Variants in SAMD4B observed in about 807,000 individuals in gnomAD.
SAMD4B encodes the protein protein Smaug homolog 2.
Under a neutral mutation model 74.5 loss-of-function variants are expected in SAMD4B, and 5 were observed. The ratio of observed to expected loss-of-function variants is 0.07; its 90% CI spans 0.04 to 0.14. The LOEUF (loss-of-function observed/expected upper bound fraction) is 0.14, where lower values mean the gene tolerates loss of function less well. SAMD4B is among the 10% of genes least tolerant of loss of function. SAMD4B has a pLI of 1.00. For synonymous variants in SAMD4B, 373 were observed against 374.9 expected, an observed-to-expected ratio of 1.00 and a Z score of 0.06; for missense variants, 608 against 921.8, an observed-to-expected ratio of 0.66 and a Z score of 4.41.
intron 4 of SAMD4B, 70 bp downstream of exon 4, chr19:39,370,195 C>T: frequency 7.1e-7 from 1 of 1,413,318 alleles, no homozygotes; most frequent in Non-Finnish European, 9.8e-7. Context: ...AGTGAGAGCT[C>T]TCTCGCTCTG....
chr19:39,367,440 A>ATTATCTCC, intron 3 of SAMD4B, among the ~76,000 whole-genome samples: 1 of 147,820 alleles, frequency 6.8e-6, no homozygotes, highest in Non-Finnish European at 1.5e-5. Flanking sequence ...TCCTGTCAGC[A>ATTATCTCC]TTATCTCCAT....
Position 39,385,673 on chromosome 19 carries a change from AAAAAAAAAAACAAAC to A in SAMD4B, c.*2155_*2169del, listed in dbSNP as rs2078228981. The A allele has an allele frequency of 1.9e-6, 1 of 523,128 alleles. No individual in the cohort carries two copies. Among genetic ancestry groups the A allele is most frequent in the Non-Finnish European group, 3.4e-6 (1 of 298,120 alleles). 32.4% of individuals were successfully genotyped at this position (523,128 alleles called of 1,614,324 possible). Reference sequence around the variant, plus strand: ...TTTAATGGTCTGGGCTTATTTTGGAAAAAAAAAAAACAAACAAAAAAAACGAATTCTGACCTTCGT... The same window carrying A: ...TTTAATGGTCTGGGCTTATTTTGGAAAAAAAAAACGAATTCTGACCTTCGT... On this transcript the variant is annotated 3_prime_UTR_variant, in exon 14 of 14. Transcript: ENST00000610417.
intron 2 of SAMD4B, among the ~76,000 whole-genome samples, chr19:39,355,033 C>A (rs138600630): frequency 6.6e-6 from 1 of 152,080 alleles, no homozygotes; most frequent in African/African-American, 2.4e-5. Context: ...GTAGCACGCC[C>A]GGCTAATTTT....
chr19:39,379,741 T>C lies in SAMD4B; in HGVS notation c.1531-225T>C, dbSNP rs530480422. On this transcript the variant is annotated intron_variant, in intron 9 of 13. Transcript: ENST00000610417. The stretch of plus-strand genomic sequence containing the variant: ...ACACACTACCATGCCTGGATAATTT[T>C]TGTACTTTTAGTAGAGGTGGGGTTT... 3.9e-5 allele frequency among the ~76,000 whole-genome samples: 6 copies of C among 152,312 alleles called. No individual in the cohort carries two copies. The East Asian group carries it at 7.7e-4, about 20-fold the overall frequency.
chr19:39,371,583 G>A (rs181811219), intron 4 of SAMD4B, among the ~76,000 whole-genome samples: 9 of 152,262 alleles, frequency 5.9e-5, no homozygotes, highest in Admixed American at 2.0e-4. Flanking sequence ...TTGGGAGGCC[G>A]AGGCAGGCAG....
At chr19:39,366,738 A>G (rs1010593953) in intron 3 of SAMD4B, among the ~76,000 whole-genome samples, 1 of 152,216 alleles carries the variant, frequency 6.6e-6, no homozygotes, top group African/African-American at 2.4e-5. Flanking sequence ...CAGTGTGGGC[A>G]GAGGAGACCA....
In SAMD4B at chr19:39,375,559, A is replaced by C; in HGVS notation, c.668-91A>C. ...CTTCCTCTTGGCAGGTTATGGGGCCAAACTGCCATCCTGGCACTGACGGCA... is the reference window on the plus strand; with the variant it reads ...CTTCCTCTTGGCAGGTTATGGGGCCCAACTGCCATCCTGGCACTGACGGCA... On this transcript the variant is annotated intron_variant, in intron 4 of 13. Coordinates refer to ENST00000610417, the MANE Select transcript of SAMD4B (RefSeq NM_001384574.2). The surrounding 1 kb of genome is among the most constrained non-coding windows in gnomAD (Gnocchi z 4.1). The C allele has an allele frequency of 6.6e-7, 1 of 1,516,308 alleles. No homozygotes were observed. Among genetic ancestry groups the C allele is most frequent in the Non-Finnish European group, 8.9e-7 (1 of 1,120,212 alleles). 93.9% of individuals were successfully genotyped at this position (1,516,308 alleles called of 1,614,324 possible).
chr19:39,379,856 C>T (rs2077847620), intron 9 of SAMD4B, 110 bp from the exon 10 acceptor site: 1 of 918,680 alleles, frequency 1.1e-6, no homozygotes, highest in Admixed American at 2.4e-5. Context: ...CAGCTTGAGC[C>T]ACCACGCCCG....
downstream of SAMD4B, chr19:39,388,849 C>G (rs759172968): frequency 6.2e-7 from 1 of 1,614,144 alleles, no homozygotes; most frequent in African/African-American, 1.3e-5. Context: ...CACCTGAGCA[C>G]ATGGATTGAT....
At chr19:39,371,120 G>C (rs1417293672) in intron 4 of SAMD4B, among the ~76,000 whole-genome samples, 1 of 152,220 alleles carries the variant, frequency 6.6e-6, no homozygotes, top group African/African-American at 2.4e-5. Context: ...TGGTAAGGCA[G>C]CATGACCTGA....
chr19:39,370,767 A>G (rs543111352), intron 4 of SAMD4B, among the ~76,000 whole-genome samples: 2 of 152,322 alleles, frequency 1.3e-5, no homozygotes, highest in Non-Finnish European at 2.9e-5. Context: ...AGTAGGTAGC[A>G]TTTTTCAGCA....
chr19:39,355,324 C>T (rs2076283045), intron 2 of SAMD4B, among the ~76,000 whole-genome samples: 1 of 152,222 alleles, frequency 6.6e-6, no homozygotes, highest in African/African-American at 2.4e-5. Context: ...CTGCTTCTTA[C>T]ATCCAAAGGG....
At chr19:39,376,320 C>G in intron 5 of SAMD4B, 117 bp from the exon 6 acceptor site, 2 of 768,448 alleles carry the variant, frequency 2.6e-6, no homozygotes, top group Non-Finnish European at 4.3e-6. Flanking sequence ...CCCCCCAACC[C>G]CCTCCCAATT....
chr19:39,349,522 T>A (rs1335918516), intron 1 of SAMD4B, among the ~76,000 whole-genome samples: 1 of 152,226 alleles, frequency 6.6e-6, no homozygotes, highest in Non-Finnish European at 1.5e-5. Flanking sequence ...TCTTTGCTAA[T>A]GCAGTGGTGT....
At chr19:39,379,163 C>T (rs36268) in intron 9 of SAMD4B, among the ~76,000 whole-genome samples, 10,688 of 151,966 alleles carry the variant, frequency 0.07, 1,305 homozygotes, top group African/African-American at 0.25. Flanking sequence ...GCTGAGATTA[C>T]AGGCGTGACG....
downstream of SAMD4B, chr19:39,386,055 G>A (rs1600603884): frequency 6.2e-7 from 1 of 1,613,910 alleles, no homozygotes; most frequent in Non-Finnish European, 8.5e-7. The surrounding 1 kb of genome is among the most constrained non-coding windows in gnomAD (Gnocchi z 6.1). Flanking sequence ...ATCCTCCTGG[G>A]CCGAGTGCTC....
At chr19:39,350,213 G>C (rs767614178) in intron 1 of SAMD4B, 5 of 152,104 alleles carry the variant, frequency 3.3e-5, no homozygotes, top group African/African-American at 7.2e-5. Flanking sequence ...AGCATCATGC[G>C]CGGTATTTTT....
In SAMD4B at chr19:39,383,147, A is replaced by G; in HGVS notation, c.1973-61A>G. 1 of 1,325,486 alleles carries G rather than the reference A, an allele frequency of 7.5e-7. No homozygotes were observed. The highest frequency in any genetic ancestry group is 1.1e-6 in the Non-Finnish European group (1 of 916,844). The allele number at this position is 1,325,486 out of a possible 1,614,324, so 82.1% of individuals were successfully genotyped here. A position where few individuals can be genotyped will look rare whatever the true frequency, so the allele number is the denominator to read the frequency against. ...CCATACCAGCATCCTTTGTCATCCCAGCTGTCTTCACCTGAGTCCAGTTGG... is the reference window on the plus strand; with the variant it reads ...CCATACCAGCATCCTTTGTCATCCCGGCTGTCTTCACCTGAGTCCAGTTGG... On this transcript the variant is annotated intron_variant, in intron 12 of 13. Coordinates refer to ENST00000610417, the MANE Select transcript of SAMD4B (RefSeq NM_001384574.2). The surrounding 1 kb of genome is among the most constrained non-coding windows in gnomAD (Gnocchi z 4.1).
In SAMD4B at chr19:39,383,313, G is replaced by GACCCAGCTCCCACCT; in HGVS notation, c.2056+30_2056+44dup. The GACCCAGCTCCCACCT allele has an allele frequency of 6.2e-7, 1 of 1,612,086 alleles. No individual in the cohort carries two copies. Among genetic ancestry groups the GACCCAGCTCCCACCT allele is most frequent in the South Asian group, 1.1e-5 (1 of 91,032 alleles). Reference sequence around the variant, plus strand: ...GGTGGTGAGCATTTCCTCTTTCCCTGACCCAGCTCCCACCTACCCAGCGTC... The same window carrying GACCCAGCTCCCACCT: ...GGTGGTGAGCATTTCCTCTTTCCCTGACCCAGCTCCCACCTACCCAGCTCCCACCTACCCAGCGTC... On this transcript the variant is annotated intron_variant, in intron 13 of 13. Transcript: ENST00000610417. The surrounding 1 kb of genome is among the most constrained non-coding windows in gnomAD (Gnocchi z 4.1).
Sources: allele counts gnomAD v4.1 joint callset (sites outside exome capture counted in the v4.1 genomes callset), GRCh38; gene constraint gnomAD v4.1.1; non-coding constraint Gnocchi (gnomAD v3.1); transcripts MANE v1.5; gene names NCBI Gene and HGNC (gene_info 2026-07-23, HGNC 2026-07-21).